Variants in ACSM5 observed in about 807,000 individuals in gnomAD.
ACSM5 encodes the protein acyl-coenzyme A synthetase ACSM5, mitochondrial.
In ACSM5, 56 loss-of-function variants were observed where a neutral mutation model predicts 71.6. That is an observed-to-expected ratio of 0.78 (90% CI 0.63 to 0.98). The LOEUF (loss-of-function observed/expected upper bound fraction) is 0.98. ACSM5 is among the 50% of genes least tolerant of loss of function. The pLI is 0.00. For missense variants in ACSM5, 723 were observed against 726.0 expected, an observed-to-expected ratio of 1.00 and a Z score of 0.05; for synonymous variants, 285 against 281.5, an observed-to-expected ratio of 1.01 and a Z score of -0.12.
At chr16:20,438,877 C>T (rs1967256832) in intron 12 of ACSM5, among the ~76,000 whole-genome samples, 1 of 148,148 alleles carries the variant, frequency 6.8e-6, no homozygotes, top group African/African-American at 2.5e-5. Flanking sequence ...ATGGCGTGAA[C>T]CCAGGAGGCA....
At chr16:20,429,152 A>C (rs1596620053) in intron 7 of ACSM5, among the ~76,000 whole-genome samples, 1 of 152,218 alleles carries the variant, frequency 6.6e-6, no homozygotes, top group South Asian at 2.1e-4. Context: ...CTGGGACTAC[A>C]GGCATGTGCC....
intron 2 of ACSM5, among the ~76,000 whole-genome samples, chr16:20,415,579 A>T (rs1966854831): frequency 6.6e-6 from 1 of 152,120 alleles, no homozygotes; most frequent in Admixed American, 6.5e-5. Context: ...AGGCTGTTGG[A>T]CTCCCCAAAT....
intron 5 of ACSM5, among the ~76,000 whole-genome samples, chr16:20,423,128 CA>C (rs1357871623): frequency 6.6e-6 from 1 of 152,062 alleles, no homozygotes; most frequent in Admixed American, 6.5e-5. Flanking sequence ...ATGAGATCAG[CA>C]AAGTGTAATA....
At position 20,437,378 on chromosome 16, in the gene ACSM5, C is replaced by T. The variant is rs753358882; in HGVS notation, c.1536+11C>T. ...CCCATCAGGGGAGAGGTAACCAGTG[C>T]ACCCAAGAACATGGCCTCCTGCTTC... On this transcript the variant is annotated intron_variant, in intron 12 of 13. Coordinates refer to ENST00000331849, the MANE Select transcript of ACSM5 (RefSeq NM_017888.3). The T allele has an allele frequency of 3.2e-6, 5 of 1,579,820 alleles. No individual in the cohort carries two copies. Among genetic ancestry groups the T allele is most frequent in the Non-Finnish European group, 3.5e-6 (4 of 1,149,472 alleles).
intron 5 of ACSM5, among the ~76,000 whole-genome samples, chr16:20,423,047 T>A (rs961311550): frequency 6.6e-6 from 1 of 152,188 alleles, no homozygotes; most frequent in South Asian, 2.1e-4. Context: ...GATACACATG[T>A]CTGAAGTTAA....
intron 7 of ACSM5, 124 bp from the exon 8 acceptor site, chr16:20,429,554 A>G (rs899135238): frequency 3.9e-6 from 5 of 1,286,730 alleles, no homozygotes; most frequent in Admixed American, 3.5e-5. Context: ...CACTTAGAGA[A>G]GATTAAAAAG....
At chr16:20,421,190 C>T (rs530700627) in intron 4 of ACSM5, 68 bp from the exon 5 acceptor site, 62 of 1,472,360 alleles carry the variant, frequency 4.2e-5, no homozygotes, top group East Asian at 3.0e-4. Flanking sequence ...ATTGTTGTTA[C>T]ACATATTATT....
intron 7 of ACSM5, 24 bp from the exon 8 acceptor site, chr16:20,429,654 G>A (rs1355316988): frequency 1.3e-5 from 21 of 1,613,390 alleles, no homozygotes; most frequent in South Asian, 5.5e-5. Flanking sequence ...GACATAGGTG[G>A]CCTTGTTTTC....
chr16:20,430,556 TGAA>T (rs1005170752), intron 8 of ACSM5, among the ~76,000 whole-genome samples: 16 of 124,542 alleles, frequency 1.3e-4, no homozygotes, highest in Non-Finnish European at 2.5e-4. Context: ...AGGAAGAAAA[TGAA>T]GAAGGAAGGG....
chr16:20,436,665 C>T (rs570895976), intron 10 of ACSM5, among the ~76,000 whole-genome samples: 31 of 152,290 alleles, frequency 2.0e-4, no homozygotes, highest in African/African-American at 4.6e-4. Flanking sequence ...CCACCACACC[C>T]GGCCTAGCCC....
At chr16:20,436,062 C>T (rs1430436731) in intron 10 of ACSM5, among the ~76,000 whole-genome samples, 1 of 146,612 alleles carries the variant, frequency 6.8e-6, no homozygotes, top group Non-Finnish European at 1.5e-5. Context: ...TTTCTCTTTT[C>T]CTTCATTCCT....
At chr16:20,420,630 A>G (rs1188208443) in intron 4 of ACSM5, among the ~76,000 whole-genome samples, 2 of 152,178 alleles carry the variant, frequency 1.3e-5, no homozygotes, top group Admixed American at 1.3e-4. Context: ...ATCGGCTCAT[A>G]TGATTTTGAG....
In ACSM5 at chr16:20,413,195, T is replaced by C. The variant is rs371009017; in HGVS notation, c.204+1507T>C. ...TAAGTTCTTTTTGCAATACTAGGGG[T>C]ATCCTTAGAAGACTTCTCCTAATGA... On this transcript the variant is annotated intron_variant, in intron 2 of 13. Transcript: ENST00000331849. Among the ~76,000 whole-genome samples the C allele has an allele frequency of 8.0e-4, 122 of 152,266 alleles. 1 individual carries two copies. The highest frequency in any genetic ancestry group is 2.5e-3 in the African/African-American group (105 of 41,540).
At chr16:20,417,768 C>T (rs1018961702) in intron 2 of ACSM5, among the ~76,000 whole-genome samples, 7 of 151,998 alleles carry the variant, frequency 4.6e-5, no homozygotes, top group African/African-American at 1.2e-4. Flanking sequence ...CTACCTTTTG[C>T]ATTAAAAAGA....
chr16:20,435,484 G>C (rs1212124223), intron 10 of ACSM5, among the ~76,000 whole-genome samples: 1 of 152,072 alleles, frequency 6.6e-6, no homozygotes, highest in African/African-American at 2.4e-5. Context: ...TTGTTGAATT[G>C]AGATATAATT....
At chr16:20,436,589 C>T (rs569218099) in intron 10 of ACSM5, among the ~76,000 whole-genome samples, 9 of 152,132 alleles carry the variant, frequency 5.9e-5, no homozygotes, top group Non-Finnish European at 1.3e-4. Context: ...CAGCTGGTCT[C>T]GAATTCCAGA....
chr16:20,439,941 G>T (rs558822546), intron 13 of ACSM5, 22 bp downstream of exon 13: 1 of 1,611,366 alleles, frequency 6.2e-7, no homozygotes, highest in South Asian at 1.1e-5. Flanking sequence ...GGTTTCCAGG[G>T]CACAGTGATC....
chr16:20,423,270 C>T (rs560658042), intron 5 of ACSM5, among the ~76,000 whole-genome samples: 80 of 152,314 alleles, frequency 5.3e-4, no homozygotes, highest in Non-Finnish European at 8.5e-4. Context: ...ACCAGGAGTG[C>T]GCGTGTCCCA....
In ACSM5 at chr16:20,438,872, G is replaced by A. The variant is rs930023271; in HGVS notation, c.1537-928G>A. Among the ~76,000 whole-genome samples the A allele has an allele frequency of 2.2e-4, 33 of 150,052 alleles. 1 individual carries two copies. The highest frequency in any genetic ancestry group is 1.0e-3 in the Admixed American group (15 of 14,970). On this transcript the variant is annotated intron_variant, in intron 12 of 13. Coordinates refer to ENST00000331849, the MANE Select transcript of ACSM5 (RefSeq NM_017888.3). ...CGGGAGGCTGAGGCAGGAGAATGGC[G>A]TGAACCCAGGAGGCAGAGCTTGCAG... is the stretch of plus-strand genomic sequence containing the variant.
Sources: gnomAD v4.1 joint callset for allele counts (sites outside exome capture counted in the v4.1 genomes callset) on GRCh38, gnomAD v4.1.1 for gene constraint, MANE v1.5 for transcripts, NCBI Gene and HGNC (gene_info 2026-07-23, HGNC 2026-07-21) for gene names.